Variants in SCAPER observed in about 807,000 individuals in gnomAD.
SCAPER encodes the protein S phase cyclin A-associated protein in the endoplasmic reticulum.
Under a neutral mutation model 182.2 loss-of-function variants are expected in SCAPER, and 98 were observed. The ratio of observed to expected loss-of-function variants is 0.54; its 90% CI spans 0.46 to 0.64. The LOEUF (loss-of-function observed/expected upper bound fraction) is 0.64. Ranked by LOEUF, SCAPER falls within the 30% of genes least tolerant of loss-of-function variation. The probability of loss-of-function intolerance (pLI) is 0.00; values close to 1 mark genes in which losing one functional copy is unlikely to be tolerated. For missense variants in SCAPER, 1,432 were observed against 1,690.0 expected (o/e 0.85, Z 2.68); for synonymous variants, 605 against 564.6 (o/e 1.07, Z -1.01).
At chr15:76,766,607 G>T (rs2063132046) in intron 11 of SCAPER, among the ~76,000 whole-genome samples, 1 of 152,022 alleles carries the variant, frequency 6.6e-6, no homozygotes, top group South Asian at 2.1e-4. Flanking sequence ...CAAAGTGCTG[G>T]GATTACAGGC....
intron 22 of SCAPER, among the ~76,000 whole-genome samples, chr15:76,605,354 T>C (rs1336456615): frequency 1.3e-5 from 2 of 152,196 alleles, no homozygotes; most frequent in Non-Finnish European, 2.9e-5. Context: ...GAACCAGCCT[T>C]GCATCCCAGG....
chr15:76,738,372 C>T (rs2061380940), intron 15 of SCAPER, among the ~76,000 whole-genome samples: 2 of 152,224 alleles, frequency 1.3e-5, no homozygotes, highest in African/African-American at 4.8e-5. Context: ...AAGCCTTCCT[C>T]AATAAGCATT....
In SCAPER at chr15:76,764,943, TA is replaced by T; in HGVS notation, c.1725+17del. The T allele has an allele frequency of 6.7e-7, 1 of 1,497,442 alleles. No individual in the cohort carries two copies. 92.8% of individuals were successfully genotyped at this position (1,497,442 alleles called of 1,614,324 possible). A position where few individuals can be genotyped will look rare whatever the true frequency, so the allele number is the denominator to read the frequency against. On this transcript the variant is annotated intron_variant, in intron 14 of 31. Coordinates refer to ENST00000563290, the MANE Select transcript of SCAPER (RefSeq NM_020843.4). ...GCAACTTCAGACTATCATAATTTCC[TA>T]AAAAATAAAAACTCACCCTTTCTAA...
intron 23 of SCAPER, among the ~76,000 whole-genome samples, chr15:76,505,378 G>C (rs1207749817): frequency 6.6e-6 from 1 of 152,056 alleles, no homozygotes; most frequent in Non-Finnish European, 1.5e-5. Flanking sequence ...GAATATATAA[G>C]AGCTCAAACA....
At chr15:76,725,069 C>T (rs1209401829) in intron 17 of SCAPER, among the ~76,000 whole-genome samples, 2 of 152,040 alleles carry the variant, frequency 1.3e-5, no homozygotes, top group African/African-American at 4.8e-5. Context: ...GTCATCTTCT[C>T]TCCACCCCCC....
chr15:76,372,907 A>G (rs1299572463), intron 29 of SCAPER, among the ~76,000 whole-genome samples: 10 of 152,224 alleles, frequency 6.6e-5, no homozygotes, highest in Non-Finnish European at 2.9e-5. Flanking sequence ...AAAATTAGTC[A>G]TAGAAAAGAG....
At chr15:76,669,429 C>T (rs1462882597) in intron 20 of SCAPER, among the ~76,000 whole-genome samples, 3 of 152,134 alleles carry the variant, frequency 2.0e-5, no homozygotes, top group South Asian at 2.1e-4. Context: ...AAGAAAACAG[C>T]GAGTGGCAGG....
At chr15:76,422,773 T>C (rs186876541) in intron 26 of SCAPER, among the ~76,000 whole-genome samples, 11 of 152,366 alleles carry the variant, frequency 7.2e-5, no homozygotes, top group Admixed American at 5.2e-4. Context: ...AGATAGCTCT[T>C]ATTATTTTGA....
intron 29 of SCAPER, among the ~76,000 whole-genome samples, chr15:76,370,306 T>TTTG (rs2042071572): frequency 1.4e-5 from 2 of 146,594 alleles, no homozygotes; most frequent in Non-Finnish European, 3.0e-5. Context: ...TTTTTTTTTT[T>TTTG]TTTTTTTTTT....
chr15:76,853,499 T>G (rs914856536), intron 4 of SCAPER, among the ~76,000 whole-genome samples: 5 of 152,100 alleles, frequency 3.3e-5, no homozygotes, highest in African/African-American at 1.2e-4. Context: ...GATGCAAGGT[T>G]GCTTCAGCAT....
intron 21 of SCAPER, among the ~76,000 whole-genome samples, chr15:76,649,216 C>T (rs1382361192): frequency 6.6e-6 from 1 of 152,118 alleles, no homozygotes; most frequent in Non-Finnish European, 1.5e-5. Flanking sequence ...CAACAAGCCT[C>T]GAGTATTTAC....
chr15:76,400,409 CTATT>C (rs1225664448), intron 27 of SCAPER, among the ~76,000 whole-genome samples: 1 of 152,216 alleles, frequency 6.6e-6, no homozygotes, highest in Non-Finnish European at 1.5e-5. Context: ...AGCAGAAACT[CTATT>C]TAATGCATGC....
At chr15:76,452,079 C>A (rs1036001217) in intron 25 of SCAPER, among the ~76,000 whole-genome samples, 4 of 151,968 alleles carry the variant, frequency 2.6e-5, no homozygotes, top group African/African-American at 9.7e-5. Context: ...CCTTTTAGTC[C>A]CACTATTCCA....
intron 22 of SCAPER, among the ~76,000 whole-genome samples, chr15:76,582,157 A>G (rs934553630): frequency 6.6e-6 from 1 of 152,312 alleles, no homozygotes; most frequent in Middle Eastern, 3.4e-3. Flanking sequence ...TGAAAAATAA[A>G]AAGTCAAATT....
At chr15:76,667,618 TCA>T (rs2056683904) in intron 20 of SCAPER, among the ~76,000 whole-genome samples, 2 of 54,812 alleles carry the variant, frequency 3.6e-5, no homozygotes, top group Non-Finnish European at 6.4e-5. Flanking sequence ...AGAGCGAGAC[TCA>T]GTCTCAAAAA....
intron 27 of SCAPER, among the ~76,000 whole-genome samples, chr15:76,390,409 C>G (rs1031780492): frequency 2.6e-5 from 4 of 152,182 alleles, no homozygotes; most frequent in Admixed American, 6.5e-5. Context: ...AGGTAAAGGA[C>G]AAGGCCACTA....
intron 24 of SCAPER, among the ~76,000 whole-genome samples, chr15:76,500,830 A>G (rs2041042159): frequency 6.6e-6 from 1 of 152,080 alleles, no homozygotes; most frequent in Non-Finnish European, 1.5e-5. Flanking sequence ...ATTTGAGGTC[A>G]GGAGTTTGAG....
chr15:76,444,569 CT>C (rs1342111765), intron 25 of SCAPER, among the ~76,000 whole-genome samples: 1 of 152,072 alleles, frequency 6.6e-6, no homozygotes, highest in Non-Finnish European at 1.5e-5. Context: ...AACAATTTAC[CT>C]TTTGTTTATT....
intron 14 of SCAPER, among the ~76,000 whole-genome samples, chr15:76,758,432 C>T (rs1027759256): frequency 1.3e-5 from 2 of 152,078 alleles, no homozygotes; most frequent in African/African-American, 2.4e-5. Flanking sequence ...CTATTAAGTT[C>T]CATTGGTCTG....
Sources: gnomAD v4.1 joint callset for allele counts (sites outside exome capture counted in the v4.1 genomes callset) on GRCh38, gnomAD v4.1.1 for gene constraint, MANE v1.5 for transcripts, NCBI Gene and HGNC (gene_info 2026-07-23, HGNC 2026-07-21) for gene names.